The following CCNY variants were observed in gnomAD, a reference collection of about 807,000 sequenced individuals.
CCNY encodes the protein cyclin-Y.
Under a neutral mutation model 42.8 loss-of-function variants are expected in CCNY, and 19 were observed. The observed-to-expected ratio is 0.44, with a 90% CI of 0.31 to 0.65. The LOEUF (loss-of-function observed/expected upper bound fraction) is 0.65. Among genes scored for constraint, CCNY ranks in the 30% least tolerant of loss-of-function variants. CCNY has a pLI of 0.07. For missense variants in CCNY, 370 were observed against 437.3 expected (o/e 0.85, Z 1.37); for synonymous variants, 165 against 162.7 (o/e 1.01, Z -0.11).
chr10:35,340,714 T>G (rs1248969558), intron 1 of CCNY, among the ~76,000 whole-genome samples: 4 of 152,112 alleles, frequency 2.6e-5, no homozygotes, highest in Admixed American at 2.6e-4. Context: ...ATATTTGTTA[T>G]ACTGGTCTCG....
chr10:35,546,103 G>A (rs532697825), intron 7 of CCNY, among the ~76,000 whole-genome samples: 40 of 152,236 alleles, frequency 2.6e-4, no homozygotes, highest in African/African-American at 7.5e-4. Flanking sequence ...GTCTTCACCC[G>A]TATGATTTCA....
Position 35,569,390 on chromosome 10 carries a change from T to G in CCNY, c.*220T>G. On this transcript the variant is annotated 3_prime_UTR_variant, in exon 10 of 10. Coordinates refer to ENST00000374704, the MANE Select transcript of CCNY (RefSeq NM_145012.6). ...CTCTCCCCACTGTCAGCAACAGCAC[T>G]TCCTTCGTGGAGGAAGTGGACTCGA... 3.7e-6 allele frequency: 2 copies of G among 547,018 alleles called. No individual in the cohort carries two copies. Among genetic ancestry groups the G allele is most frequent in the Non-Finnish European group, 3.3e-6 (1 of 304,408 alleles). 33.9% of individuals were successfully genotyped at this position (547,018 alleles called of 1,614,324 possible).
chr10:35,345,615 A>G (rs1836285482), intron 1 of CCNY, among the ~76,000 whole-genome samples: 3 of 152,284 alleles, frequency 2.0e-5, no homozygotes, highest in East Asian at 3.9e-4. Context: ...CTTGTATTAT[A>G]TGTGAAGTGT....
chr10:35,518,077 C>T (rs754752287), intron 4 of CCNY, among the ~76,000 whole-genome samples: 11 of 152,152 alleles, frequency 7.2e-5, no homozygotes, highest in East Asian at 1.9e-4. Flanking sequence ...CCTGGGGCAG[C>T]GGGAGCTCTT....
In CCNY at chr10:35,319,479, A is replaced by C. The variant is rs149951508; in HGVS notation, c.-9+68853A>C. On this transcript the variant is annotated intron_variant, in intron 3 of 11. Transcript: ENST00000374706. ...ATAGATATCACCACAGATCTTGCAG[A>C]CATTAAAACAAAAAAAGATTATAAT... 2.5e-4 allele frequency among the ~76,000 whole-genome samples: 38 copies of C among 152,364 alleles called. No individual in the cohort carries two copies. The East Asian group carries it at 6.7e-3, about 27-fold the overall frequency.
chr10:35,378,389 G>A (rs771566094), intron 1 of CCNY, among the ~76,000 whole-genome samples: 32 of 152,238 alleles, frequency 2.1e-4, no homozygotes, highest in Non-Finnish European at 3.7e-4. Flanking sequence ...TGGCTTCAGC[G>A]GGTGTGATCT....
chr10:35,269,419 C>T (rs901618438), intron 3 of CCNY, among the ~76,000 whole-genome samples: 7 of 151,306 alleles, frequency 4.6e-5, no homozygotes, highest in East Asian at 3.9e-4. Context: ...TGGGTTCAAG[C>T]GATTCTCCTG....
At chr10:35,475,214 G>T (rs915751298) in intron 1 of CCNY, among the ~76,000 whole-genome samples, 18 of 152,136 alleles carry the variant, frequency 1.2e-4, no homozygotes, top group Middle Eastern at 3.4e-3. Context: ...AAAACACTCT[G>T]CAGGATATTA....
intron 8 of CCNY, among the ~76,000 whole-genome samples, chr10:35,563,533 C>T (rs555519098): frequency 6.6e-6 from 1 of 152,246 alleles, no homozygotes; most frequent in East Asian, 1.9e-4. Flanking sequence ...GGGATTTGCT[C>T]CTTTGACGTT....
intron 3 of CCNY, among the ~76,000 whole-genome samples, chr10:35,505,115 G>A (rs1407518562): frequency 1.3e-5 from 2 of 149,882 alleles, no homozygotes; most frequent in Non-Finnish European, 3.0e-5. Context: ...GATTGTGGGT[G>A]ACATTGTAGG....
chr10:35,368,015 AGAAT>A, intron 1 of CCNY, among the ~76,000 whole-genome samples: 1 of 152,262 alleles, frequency 6.6e-6, no homozygotes, highest in Non-Finnish European at 1.5e-5. Flanking sequence ...AATTCTCTGA[AGAAT>A]GACTTAGGTG....
intron 3 of CCNY, among the ~76,000 whole-genome samples, chr10:35,263,428 C>G (rs1362102947): frequency 3.3e-5 from 5 of 149,506 alleles, no homozygotes; most frequent in African/African-American, 1.2e-4. Context: ...GTAGTCCCAG[C>G]TACTCGGGAG....
chr10:35,273,021 T>C (rs1835192611), intron 3 of CCNY, among the ~76,000 whole-genome samples: 1 of 151,982 alleles, frequency 6.6e-6, no homozygotes, highest in African/African-American at 2.4e-5. Context: ...TAATGATCAG[T>C]GGTGTTGAGC....
At chr10:35,533,038 C>T (rs1840802454) in intron 7 of CCNY, among the ~76,000 whole-genome samples, 2 of 152,208 alleles carry the variant, frequency 1.3e-5, no homozygotes, top group South Asian at 4.1e-4. Context: ...GCTTCTCTCA[C>T]CTTTGCGCAC....
At chr10:35,540,665 G>A (rs1840981619) in intron 7 of CCNY, among the ~76,000 whole-genome samples, 1 of 151,954 alleles carries the variant, frequency 6.6e-6, no homozygotes, top group Non-Finnish European at 1.5e-5. Context: ...TTCTCTGTTG[G>A]AAGTTTCTAC....
intron 1 of CCNY, among the ~76,000 whole-genome samples, chr10:35,442,562 G>A (rs936437140): frequency 3.9e-5 from 6 of 152,218 alleles, no homozygotes; most frequent in African/African-American, 1.4e-4. Flanking sequence ...GAGTTTGCTT[G>A]TAGGATGAGA....
intron 1 of CCNY, among the ~76,000 whole-genome samples, chr10:35,446,083 G>A (rs1296682533): frequency 2.0e-5 from 3 of 152,108 alleles, no homozygotes; most frequent in Non-Finnish European, 4.4e-5. Flanking sequence ...TTTGTCTCAC[G>A]GGAGGATTAA....
At chr10:35,304,854 G>A (rs1424940560) in intron 3 of CCNY, among the ~76,000 whole-genome samples, 3 of 152,170 alleles carry the variant, frequency 2.0e-5, no homozygotes, top group African/African-American at 7.2e-5. Context: ...GTGTTAGGGG[G>A]AGTGCTGAGC....
At chr10:35,344,903 A>G (rs1322413592) in intron 1 of CCNY, among the ~76,000 whole-genome samples, 1 of 152,122 alleles carries the variant, frequency 6.6e-6, no homozygotes, top group Non-Finnish European at 1.5e-5. Context: ...AAGGACATGA[A>G]CTCATCATTT....
Sources: gnomAD v4.1 joint callset for allele counts (sites outside exome capture counted in the v4.1 genomes callset) on GRCh38, gnomAD v4.1.1 for gene constraint, MANE v1.5 for transcripts, NCBI Gene and HGNC (gene_info 2026-07-23, HGNC 2026-07-21) for gene names.